The following NAA25 variants were observed in gnomAD, a reference collection of about 807,000 sequenced individuals.
The protein encoded by NAA25 is N-alpha-acetyltransferase 25, NatB auxiliary subunit.
A neutral mutation model predicts 132.5 loss-of-function variants in NAA25; 30 were observed. That is an observed-to-expected ratio of 0.23 (90% CI 0.17 to 0.31). The LOEUF (loss-of-function observed/expected upper bound fraction) is 0.31, where lower values mean the gene tolerates loss of function less well. Among genes scored for constraint, NAA25 ranks in the 10% least tolerant of loss-of-function variants. The pLI is 1.00. For synonymous variants in NAA25, 359 were observed against 401.9 expected, an observed-to-expected ratio of 0.89 and a Z score of 1.28; for missense variants, 771 against 1,150.4, an observed-to-expected ratio of 0.67 and a Z score of 4.77.
intron 4 of NAA25, 108 bp downstream of exon 4, chr12:112,087,575 A>C (rs2079074029): frequency 2.8e-6 from 2 of 707,980 alleles, no homozygotes; most frequent in Non-Finnish European, 4.8e-6. Flanking sequence ...AAAAATCCAT[A>C]AATTCAATTC....
chr12:112,048,212 T>C (rs769756035), intron 16 of NAA25, 80 bp downstream of exon 16: 3 of 1,378,758 alleles, frequency 2.2e-6, no homozygotes, highest in Non-Finnish European at 3.0e-6. Context: ...AGCCTGCCAA[T>C]AACACCCATG....
At chr12:112,057,568 T>C (rs941617638) in intron 13 of NAA25, among the ~76,000 whole-genome samples, 2 of 152,146 alleles carry the variant, frequency 1.3e-5, no homozygotes, top group South Asian at 4.1e-4. Context: ...GTCAGAAGTA[T>C]TACTGGCCAG....
At chr12:112,089,809 C>T (rs978814933) in intron 3 of NAA25, among the ~76,000 whole-genome samples, 1 of 151,838 alleles carries the variant, frequency 6.6e-6, no homozygotes, top group African/African-American at 2.4e-5. Context: ...GCCCGGCCAA[C>T]ATGGTGAAAC....
At chr12:112,061,159 C>CCGTA in intron 12 of NAA25, 22 bp downstream of exon 12, 1 of 1,548,458 alleles carries the variant, frequency 6.5e-7, no homozygotes. Context: ...GGAACTACTG[C>CCGTA]ACATTTTGAA....
intron 1 of NAA25, among the ~76,000 whole-genome samples, chr12:112,106,110 C>T (rs1157967011): frequency 6.6e-6 from 1 of 152,172 alleles, no homozygotes; most frequent in Non-Finnish European, 1.5e-5. Context: ...CCTAGTCCTG[C>T]CAGTTTATAC....
chr12:112,081,914 G>C (rs1043883414), intron 4 of NAA25, among the ~76,000 whole-genome samples: 4 of 152,258 alleles, frequency 2.6e-5, no homozygotes, highest in Admixed American at 6.5e-5. Context: ...AAGCGGGGGA[G>C]AAAACAAATA....
intron 1 of NAA25, among the ~76,000 whole-genome samples, chr12:112,098,172 A>G (rs2079243298): frequency 1.3e-5 from 2 of 151,752 alleles, no homozygotes; most frequent in South Asian, 4.1e-4. Context: ...ACACAGAGAA[A>G]AGCAGAGATG....
intron 17 of NAA25, among the ~76,000 whole-genome samples, chr12:112,044,386 T>C (rs770427810): frequency 6.6e-6 from 1 of 152,000 alleles, no homozygotes; most frequent in Non-Finnish European, 1.5e-5. Flanking sequence ...ACAGGTCATT[T>C]TTGGCTGGGC....
At chr12:112,102,268 G>C (rs2079305994) in intron 1 of NAA25, among the ~76,000 whole-genome samples, 1 of 152,100 alleles carries the variant, frequency 6.6e-6, no homozygotes, top group South Asian at 2.1e-4. Context: ...AGCTACTCCA[G>C]AGGCTGAGGC....
Position 112,053,491 on chromosome 12 carries a change from T to G in NAA25, c.1728+67A>C, listed in dbSNP as rs2078496589. ...TAACATGTGTACTTGTGACATGTGG[T>G]GACGTGCTCCTCAATAGTGTGCAGT... On this transcript the variant is annotated intron_variant, in intron 15 of 23. Coordinates refer to ENST00000261745, the MANE Select transcript of NAA25 (RefSeq NM_024953.4). 15 of 1,138,730 alleles carry G rather than the reference T, an allele frequency of 1.3e-5. No individual in the cohort carries two copies. The South Asian group carries it at 1.8e-4, about 14-fold the overall frequency. 70.5% of individuals were successfully genotyped at this position (1,138,730 alleles called of 1,614,324 possible). A position where few individuals can be genotyped will look rare whatever the true frequency, so the allele number is the denominator to read the frequency against.
intron 1 of NAA25, among the ~76,000 whole-genome samples, chr12:112,106,722 T>C (rs928400105): frequency 4.6e-5 from 7 of 151,756 alleles, no homozygotes; most frequent in African/African-American, 1.7e-4. Flanking sequence ...TCTGGGAGGC[T>C]GAGGCAGGAC....
At chr12:112,102,940 G>C (rs568656976) in intron 1 of NAA25, among the ~76,000 whole-genome samples, 14 of 151,936 alleles carry the variant, frequency 9.2e-5, no homozygotes, top group African/African-American at 3.4e-4. Flanking sequence ...CGCCGGCCTC[G>C]GCTTCCCAAA....
intron 13 of NAA25, among the ~76,000 whole-genome samples, chr12:112,057,218 C>CATAAA (rs569702126): frequency 1.5e-3 from 227 of 152,046 alleles, no homozygotes; most frequent in Non-Finnish European, 2.3e-3. Flanking sequence ...AATAAAATAA[C>CATAAA]ATAAAATAAA....
intron 22 of NAA25, among the ~76,000 whole-genome samples, chr12:112,038,414 T>C (rs2078255401): frequency 6.6e-6 from 1 of 152,198 alleles, no homozygotes; most frequent in South Asian, 2.1e-4. Flanking sequence ...CTGTCCTTGT[T>C]CTATCCTGAT....
chr12:112,064,995 T>C (rs1331303553), intron 11 of NAA25, among the ~76,000 whole-genome samples: 4 of 152,002 alleles, frequency 2.6e-5, no homozygotes, highest in East Asian at 1.9e-4. Flanking sequence ...AATCGCGCCA[T>C]TGCACTCTAG....
chr12:112,070,514 G>T (rs1368125179), intron 10 of NAA25, among the ~76,000 whole-genome samples: 1 of 152,120 alleles, frequency 6.6e-6, no homozygotes. Flanking sequence ...TCCCAAACTG[G>T]CAATTTTACT....
rs530836643 is a variant in NAA25, at chr12:112,080,263, A to G, written c.477+797T>C. Among the ~76,000 whole-genome samples, 13 of 137,204 alleles carry G rather than the reference A, an allele frequency of 9.5e-5. No homozygotes were observed. In the South Asian group the frequency reaches 3.3e-3, roughly 35 times the overall value. The allele number at this position is 137,204 out of a possible 152,430, so 90.0% of individuals were successfully genotyped here. A position where few individuals can be genotyped will look rare whatever the true frequency, so the allele number is the denominator to read the frequency against. On this transcript the variant is annotated intron_variant, in intron 5 of 23. Coordinates refer to ENST00000261745, the MANE Select transcript of NAA25 (RefSeq NM_024953.4). ...GTCACTGCACTCCAGCCTGGGTTAG[A>G]GCGAGACTCTGTCTCAAAAAAAAAA...
At chr12:112,084,323 G>C (rs1219515896) in intron 4 of NAA25, among the ~76,000 whole-genome samples, 1 of 152,096 alleles carries the variant, frequency 6.6e-6, no homozygotes, top group Non-Finnish European at 1.5e-5. Context: ...TGCTATTCTA[G>C]GCAATGGAAA....
At chr12:112,092,971 C>T (rs2079158162) in intron 2 of NAA25, 80 bp downstream of exon 2, 13 of 1,000,832 alleles carry the variant, frequency 1.3e-5, no homozygotes, top group South Asian at 7.5e-5. Flanking sequence ...CCACCATGCC[C>T]GGCCCTCCTT....
Sources: gnomAD v4.1 joint callset for allele counts (sites outside exome capture counted in the v4.1 genomes callset) on GRCh38, gnomAD v4.1.1 for gene constraint, MANE v1.5 for transcripts, NCBI Gene and HGNC (gene_info 2026-07-23, HGNC 2026-07-21) for gene names.